The following RBFOX1 variants were observed in gnomAD, a reference collection of about 807,000 sequenced individuals.
RBFOX1 encodes RNA binding protein fox-1 homolog 1.
Under a neutral mutation model 57.7 loss-of-function variants are expected in RBFOX1, and 8 were observed. The observed-to-expected ratio is 0.14, with a 90% CI of 0.08 to 0.25. The LOEUF is 0.25. RBFOX1 is among the 10% of genes least tolerant of loss of function. RBFOX1 has a pLI of 1.00. For synonymous variants in RBFOX1, 326 were observed against 222.4 expected, an observed-to-expected ratio of 1.47 and a Z score of -4.15; for missense variants, 611 against 548.5, an observed-to-expected ratio of 1.11 and a Z score of -1.14.
At chr16:6,961,580 C>T (rs146554309) in intron 3 of RBFOX1, among the ~76,000 whole-genome samples, 21 of 152,244 alleles carry the variant, frequency 1.4e-4, no homozygotes, top group African/African-American at 4.8e-4. Context: ...ACTCCATAGG[C>T]AGAGCAGCTC....
chr16:7,239,075 C>T (rs563968973), intron 4 of RBFOX1, among the ~76,000 whole-genome samples: 128 of 152,256 alleles, frequency 8.4e-4, no homozygotes, highest in African/African-American at 2.8e-3. Flanking sequence ...CACATCCTTG[C>T]TATTGTGAAT....
chr16:7,596,439 C>G (rs1781523023), intron 8 of RBFOX1, among the ~76,000 whole-genome samples: 1 of 151,742 alleles, frequency 6.6e-6, no homozygotes, highest in South Asian at 2.1e-4. Flanking sequence ...CTTTCATTTT[C>G]CCCTTCGACG....
At position 5,552,086 on chromosome 16, in the gene RBFOX1, G is replaced by A. The variant is rs189722327; in HGVS notation, c.259-46816G>A. 2.6e-3 allele frequency among the ~76,000 whole-genome samples: 402 copies of A among 152,214 alleles called. 7 individuals are homozygous for A. The highest frequency in any genetic ancestry group is 0.015 in the South Asian group (71 of 4,820). On this transcript the variant is annotated intron_variant, in intron 2 of 2. Coordinates refer to the RBFOX1 transcript ENST00000585867. ...GCATAATAATGAAACAGACTGTGTC[G>A]TGTTACCGTGAAATTGAACTAAGAT...
At chr16:6,285,015 A>G (rs1181821922) in intron 1 of RBFOX1, among the ~76,000 whole-genome samples, 1 of 152,208 alleles carries the variant, frequency 6.6e-6, no homozygotes, top group Admixed American at 6.5e-5. Context: ...AGAAACATTC[A>G]CAGTTAGCCA....
At chr16:6,368,005 T>G (rs2089910158) in intron 2 of RBFOX1, among the ~76,000 whole-genome samples, 1 of 152,154 alleles carries the variant, frequency 6.6e-6, no homozygotes, top group African/African-American at 2.4e-5. Flanking sequence ...ATTTGTGTCT[T>G]GATTTGAGGG....
At chr16:5,474,884 T>C (rs900815860) in intron 2 of RBFOX1, among the ~76,000 whole-genome samples, 2 of 152,246 alleles carry the variant, frequency 1.3e-5, no homozygotes, top group Non-Finnish European at 2.9e-5. Context: ...AGGCTATTTA[T>C]TGACTAGCAT....
chr16:7,316,683 G>C (rs1396228173), intron 4 of RBFOX1, among the ~76,000 whole-genome samples: 1 of 152,148 alleles, frequency 6.6e-6, no homozygotes, highest in Non-Finnish European at 1.5e-5. Flanking sequence ...GTTGGATTCA[G>C]GGGTGAGGGA....
chr16:6,560,412 C>T (rs557728967), intron 2 of RBFOX1, among the ~76,000 whole-genome samples: 78 of 152,060 alleles, frequency 5.1e-4, no homozygotes, highest in African/African-American at 1.4e-3. Flanking sequence ...GTGAAGGTGA[C>T]ATTTTGGCAT....
chr16:5,954,185 G>C (rs990889198), intron 4 of RBFOX1, among the ~76,000 whole-genome samples: 1 of 152,178 alleles, frequency 6.6e-6, no homozygotes, highest in Non-Finnish European at 1.5e-5. Flanking sequence ...GAACATCTCA[G>C]TTTGAAGAAT....
At chr16:7,007,281 C>A (rs888881314) in intron 3 of RBFOX1, among the ~76,000 whole-genome samples, 1 of 152,174 alleles carries the variant, frequency 6.6e-6, no homozygotes, top group South Asian at 2.1e-4. Flanking sequence ...GTGGACTCTT[C>A]CAACTCATAG....
At chr16:7,386,716 G>C (rs529494162) in intron 4 of RBFOX1, among the ~76,000 whole-genome samples, 1 of 152,276 alleles carries the variant, frequency 6.6e-6, no homozygotes, top group Non-Finnish European at 1.5e-5. Context: ...ATAGTAGCAT[G>C]ATTTATAATC....
intron 1 of RBFOX1, among the ~76,000 whole-genome samples, chr16:5,337,715 C>A (rs2064933200): frequency 6.6e-6 from 1 of 152,298 alleles, no homozygotes; most frequent in South Asian, 2.1e-4. Context: ...AGCTCCTGAG[C>A]TCTGTGCCTG....
At chr16:5,810,274 A>T (rs544426230) in intron 3 of RBFOX1, among the ~76,000 whole-genome samples, 1 of 152,118 alleles carries the variant, frequency 6.6e-6, no homozygotes, top group Non-Finnish European at 1.5e-5. Context: ...ATGTATACAT[A>T]TGTAACTAAC....
chr16:7,107,801 C>CT (rs2063880189), intron 4 of RBFOX1, among the ~76,000 whole-genome samples: 1 of 152,058 alleles, frequency 6.6e-6, no homozygotes, highest in Admixed American at 6.6e-5. Context: ...TTCCATATGT[C>CT]TTTTTGTGTC....
At chr16:6,927,520 G>A (rs1567920392) in intron 3 of RBFOX1, among the ~76,000 whole-genome samples, 1 of 150,592 alleles carries the variant, frequency 6.6e-6, no homozygotes, top group Admixed American at 6.6e-5. Context: ...AGCTCCATGT[G>A]AGCAGATATT....
chr16:6,496,707 C>T (rs964876998), intron 2 of RBFOX1, among the ~76,000 whole-genome samples: 1 of 152,120 alleles, frequency 6.6e-6, no homozygotes, highest in African/African-American at 2.4e-5. Flanking sequence ...TGCCTGTAAT[C>T]CCAGCACTGT....
intron 2 of RBFOX1, among the ~76,000 whole-genome samples, chr16:6,412,335 C>A (rs2093485174): frequency 6.6e-6 from 1 of 152,086 alleles, no homozygotes; most frequent in African/African-American, 2.4e-5. Context: ...ATATAATGCG[C>A]TGGTAGATTT....
intron 3 of RBFOX1, among the ~76,000 whole-genome samples, chr16:6,997,693 A>C (rs562334823): frequency 1.1e-3 from 167 of 152,258 alleles, no homozygotes; most frequent in Non-Finnish European, 1.9e-3. Context: ...AACAGAAGAA[A>C]ACTTTTGGTT....
At chr16:5,825,634 A>T (rs1489122111) in intron 3 of RBFOX1, among the ~76,000 whole-genome samples, 2 of 152,330 alleles carry the variant, frequency 1.3e-5, no homozygotes, top group Non-Finnish European at 2.9e-5. Context: ...AAGGACGTTG[A>T]CAGCGTTGTA....
Sources: gnomAD v4.1 joint callset for allele counts (sites outside exome capture counted in the v4.1 genomes callset) on GRCh38, gnomAD v4.1.1 for gene constraint, MANE v1.5 for transcripts, NCBI Gene and HGNC (gene_info 2026-07-23, HGNC 2026-07-21) for gene names.